The following CHCHD6 variants were observed in gnomAD, a reference collection of about 807,000 sequenced individuals.
The protein encoded by CHCHD6 is coiled-coil-helix-coiled-coil-helix domain containing 6, also known as MICOS complex subunit MIC25.
In CHCHD6, 28 loss-of-function variants were observed where a neutral mutation model predicts 32.3. That is an observed-to-expected ratio of 0.87 (90% CI 0.64 to 1.19). The LOEUF (loss-of-function observed/expected upper bound fraction) is 1.19. CHCHD6 is among the 50% of genes most tolerant of loss of function. The pLI is 0.00. For missense variants in CHCHD6, 333 were observed against 307.0 expected (o/e 1.08, Z -0.63); for synonymous variants, 122 against 117.5 (o/e 1.04, Z -0.25).
chr3:126,745,014 G>A (rs1317013707), intron 4 of CHCHD6, among the ~76,000 whole-genome samples: 1 of 152,210 alleles, frequency 6.6e-6, no homozygotes, highest in Non-Finnish European at 1.5e-5. Flanking sequence ...AGAAGGAAGG[G>A]CTGAGAGCCT....
chr3:126,798,260 A>G (rs1050070405), intron 4 of CHCHD6, among the ~76,000 whole-genome samples: 1 of 152,132 alleles, frequency 6.6e-6, no homozygotes, highest in Non-Finnish European at 1.5e-5. Flanking sequence ...GGCAAGATAA[A>G]TGGAACTTCT....
chr3:126,865,636 C>A (rs1942265174), intron 5 of CHCHD6: 2 of 985,356 alleles, frequency 2.0e-6, no homozygotes. Flanking sequence ...GCTGCTGCCC[C>A]CTCTCCCACC....
At position 126,768,619 on chromosome 3, in the gene CHCHD6, A is replaced by G. The variant is rs75654909; in HGVS notation, c.411+35397A>G. 4.2e-3 allele frequency among the ~76,000 whole-genome samples: 639 copies of G among 152,296 alleles called. 6 individuals are homozygous for G. The highest frequency in any genetic ancestry group is 0.014 in the African/African-American group (593 of 41,546). On this transcript the variant is annotated intron_variant, in intron 4 of 7. Transcript: ENST00000290913. ...GATTGCTGGGTTGAATGATAGTTCA[A>G]TTTTAAGTTCTTTGGGGAATCTCGC...
chr3:126,898,754 G>T (rs1294958686), intron 5 of CHCHD6, among the ~76,000 whole-genome samples: 1 of 152,148 alleles, frequency 6.6e-6, no homozygotes, highest in African/African-American at 2.4e-5. Context: ...GGCCAGGCTG[G>T]TCTTAAACTC....
chr3:126,790,182 C>T (rs1938453212), intron 4 of CHCHD6, among the ~76,000 whole-genome samples: 1 of 152,228 alleles, frequency 6.6e-6, no homozygotes, highest in Middle Eastern at 3.4e-3. Flanking sequence ...AGAGTTTCTG[C>T]TGAGAGATCA....
intron 1 of CHCHD6, among the ~76,000 whole-genome samples, chr3:126,707,436 C>T (rs959405989): frequency 6.6e-6 from 1 of 152,108 alleles, no homozygotes; most frequent in African/African-American, 2.4e-5. Context: ...GTGTGAAATA[C>T]GTAAAGATTT....
At chr3:126,784,491 C>T (rs1938106105) in intron 4 of CHCHD6, among the ~76,000 whole-genome samples, 1 of 152,104 alleles carries the variant, frequency 6.6e-6, no homozygotes, top group Admixed American at 6.5e-5. Flanking sequence ...GCTTTCTGCC[C>T]CCAACTGTGG....
chr3:126,845,409 T>TA (rs1452211369), intron 4 of CHCHD6, among the ~76,000 whole-genome samples: 5 of 152,222 alleles, frequency 3.3e-5, no homozygotes, highest in Non-Finnish European at 5.9e-5. Flanking sequence ...AATATCCCAT[T>TA]ACTTAAGGAA....
chr3:126,928,888 G>A (rs1224163249), intron 6 of CHCHD6, among the ~76,000 whole-genome samples: 2 of 152,192 alleles, frequency 1.3e-5, no homozygotes, highest in East Asian at 1.9e-4. Flanking sequence ...GGTCATTCAT[G>A]TGTGGTCACC....
In CHCHD6 at chr3:126,772,672, G is replaced by A. The variant is rs368094072; in HGVS notation, c.411+39450G>A. 1.6e-4 allele frequency among the ~76,000 whole-genome samples: 25 copies of A among 152,248 alleles called. No individual in the cohort carries two copies. In the South Asian group the frequency reaches 4.1e-3, roughly 25 times the overall value. Reference sequence around the variant, plus strand: ...TCTCTTGAAGACAGCATACCATTGGGTCTTCTTTATCCAGCTTGCCACTCT... The same window carrying A: ...TCTCTTGAAGACAGCATACCATTGGATCTTCTTTATCCAGCTTGCCACTCT... On this transcript the variant is annotated intron_variant, in intron 4 of 7. Coordinates refer to ENST00000290913, the MANE Select transcript of CHCHD6 (RefSeq NM_032343.3).
At chr3:126,800,704 G>A (rs912691098) in intron 4 of CHCHD6, among the ~76,000 whole-genome samples, 23 of 152,188 alleles carry the variant, frequency 1.5e-4, no homozygotes, top group Admixed American at 1.5e-3. Context: ...TGGCACAGCA[G>A]GCATCACAGA....
intron 6 of CHCHD6, among the ~76,000 whole-genome samples, chr3:126,946,383 G>T (rs1234594604): frequency 1.3e-5 from 2 of 152,118 alleles, no homozygotes; most frequent in Admixed American, 1.3e-4. Context: ...TCTTCTTTCC[G>T]TGTGTGTGAG....
intron 5 of CHCHD6, among the ~76,000 whole-genome samples, chr3:126,894,126 C>T (rs1300887501): frequency 6.6e-6 from 1 of 152,238 alleles, no homozygotes; most frequent in Admixed American, 6.5e-5. Context: ...CATGGTAACA[C>T]CTCAAACACT....
intron 6 of CHCHD6, among the ~76,000 whole-genome samples, chr3:126,955,296 G>A (rs1325866998): frequency 1.3e-5 from 2 of 152,234 alleles, no homozygotes; most frequent in African/African-American, 2.4e-5. Context: ...CCAGTGAAGC[G>A]GGTCTCCGGA....
chr3:126,825,236 G>A (rs1447177749), intron 4 of CHCHD6, among the ~76,000 whole-genome samples: 1 of 151,848 alleles, frequency 6.6e-6, no homozygotes, highest in African/African-American at 2.4e-5. Context: ...CTATCTTTCT[G>A]TTATTTATTT....
intron 4 of CHCHD6, among the ~76,000 whole-genome samples, chr3:126,830,684 C>T (rs1356225984): frequency 2.0e-5 from 3 of 152,180 alleles, no homozygotes; most frequent in Admixed American, 1.3e-4. Context: ...GTTGTCCGCA[C>T]GGTTTTCTTA....
rs72980884 is a variant in CHCHD6 at position 126,908,252 on chromosome 3, G to A, written c.496-6428G>A. 6.7e-3 allele frequency among the ~76,000 whole-genome samples: 1,018 copies of A among 152,302 alleles called. 8 individuals are homozygous for A. The highest frequency in any genetic ancestry group is 0.023 in the African/African-American group (971 of 41,552). ...ATTTGGAGAAATGTTCTCACTGCGT[G>A]GGAAAGGTTCCAGGTTCCTGATTCT... On this transcript the variant is annotated intron_variant, in intron 5 of 7. Coordinates refer to ENST00000290913, the MANE Select transcript of CHCHD6 (RefSeq NM_032343.3).
chr3:126,924,225 A>G (rs1281246388), intron 6 of CHCHD6, among the ~76,000 whole-genome samples: 1 of 152,194 alleles, frequency 6.6e-6, no homozygotes, highest in Non-Finnish European at 1.5e-5. Flanking sequence ...TGACACACAT[A>G]TGGTAGGACC....
chr3:126,755,866 G>GTA (rs770678217), intron 4 of CHCHD6, among the ~76,000 whole-genome samples: 1 of 149,024 alleles, frequency 6.7e-6, no homozygotes, highest in African/African-American at 2.4e-5. Context: ...GTGTGTGTGT[G>GTA]TGTAGACACA....
Sources: allele counts gnomAD v4.1 joint callset (sites outside exome capture counted in the v4.1 genomes callset), GRCh38; gene constraint gnomAD v4.1.1; transcripts MANE v1.5; gene names NCBI Gene and HGNC (gene_info 2026-07-23, HGNC 2026-07-21).